The following LUZP2 variants were observed in gnomAD, a reference collection of about 807,000 sequenced individuals.
LUZP2 encodes leucine zipper protein 2.
Under a neutral mutation model 51.6 loss-of-function variants are expected in LUZP2, and 52 were observed. That is an observed-to-expected ratio of 1.01 (90% CI 0.81 to 1.27). The LOEUF (loss-of-function observed/expected upper bound fraction) is 1.27, where lower values mean the gene tolerates loss of function less well. LUZP2 is among the 50% of genes most tolerant of loss of function. The pLI is 0.00. For synonymous variants in LUZP2, 154 were observed against 137.3 expected (o/e 1.12, Z -0.85); for missense variants, 436 against 395.4 (o/e 1.10, Z -0.87).
chr11:24,628,602 A>G (rs1229755985), intron 1 of LUZP2, among the ~76,000 whole-genome samples: 1 of 152,092 alleles, frequency 6.6e-6, no homozygotes, highest in East Asian at 1.9e-4. Context: ...GCTCTCTCCC[A>G]GGCTGGAGTG....
chr11:24,607,719 G>C (rs1044705498), intron 1 of LUZP2, among the ~76,000 whole-genome samples: 1 of 151,990 alleles, frequency 6.6e-6, no homozygotes, highest in Admixed American at 6.6e-5. Context: ...TGTTGGGGTA[G>C]TATGGACTTT....
intron 5 of LUZP2, among the ~76,000 whole-genome samples, chr11:24,765,186 A>C (rs151299583): frequency 6.6e-6 from 1 of 152,322 alleles, no homozygotes; most frequent in African/African-American, 2.4e-5. Flanking sequence ...GCATGTAGAG[A>C]TTAAGGCAGA....
At chr11:24,891,799 A>T in intron 5 of LUZP2, 1 of 974,974 alleles carries the variant, frequency 1.0e-6, no homozygotes. Flanking sequence ...GAGAACAGAG[A>T]AACAAGGCAA....
At chr11:24,821,438 T>G (rs1470704076) in intron 5 of LUZP2, among the ~76,000 whole-genome samples, 1 of 152,114 alleles carries the variant, frequency 6.6e-6, no homozygotes, top group Non-Finnish European at 1.5e-5. Flanking sequence ...CCTTATTAAT[T>G]TAAGATATAT....
At chr11:24,546,776 G>A (rs919070669) in intron 1 of LUZP2, among the ~76,000 whole-genome samples, 1 of 152,028 alleles carries the variant, frequency 6.6e-6, no homozygotes. Context: ...TCAGAATGAT[G>A]CTGGCCTCAT....
chr11:24,920,329 A>G (rs1299920739), intron 7 of LUZP2, among the ~76,000 whole-genome samples: 1 of 152,044 alleles, frequency 6.6e-6, no homozygotes, highest in East Asian at 1.9e-4. Context: ...TCCAGTTATT[A>G]AAAATATACT....
intron 1 of LUZP2, among the ~76,000 whole-genome samples, chr11:24,547,256 G>T (rs190587280): frequency 6.6e-6 from 1 of 151,230 alleles, no homozygotes; most frequent in East Asian, 1.9e-4. Flanking sequence ...AGTTCAAATT[G>T]CCAAAGCAAT....
chr11:24,953,820 A>G (rs1270792431), intron 7 of LUZP2, among the ~76,000 whole-genome samples: 2 of 152,062 alleles, frequency 1.3e-5, no homozygotes, highest in Non-Finnish European at 2.9e-5. Context: ...GTAATTATTT[A>G]TTCAATGATT....
chr11:24,789,502 G>A (rs1319263905), intron 5 of LUZP2, among the ~76,000 whole-genome samples: 1 of 152,090 alleles, frequency 6.6e-6, no homozygotes, highest in African/African-American at 2.4e-5. Context: ...TGCTTCATCT[G>A]TTTCCTGATG....
At chr11:24,583,183 A>G (rs1171954481) in intron 1 of LUZP2, among the ~76,000 whole-genome samples, 1 of 152,150 alleles carries the variant, frequency 6.6e-6, no homozygotes, top group Non-Finnish European at 1.5e-5. Context: ...CATTATATGT[A>G]ATATACATGA....
At chr11:24,647,393 G>A (rs374430798) in intron 1 of LUZP2, among the ~76,000 whole-genome samples, 53 of 151,680 alleles carry the variant, frequency 3.5e-4, no homozygotes, top group African/African-American at 1.3e-3. Flanking sequence ...AAACAAAAAA[G>A]AAAAAGAAAA....
intron 9 of LUZP2, among the ~76,000 whole-genome samples, chr11:25,026,128 A>C (rs899324276): frequency 1.3e-4 from 16 of 125,096 alleles, no homozygotes; most frequent in African/African-American, 4.8e-4. Context: ...AACATGACAC[A>C]CTGGAGCCTG....
intron 10 of LUZP2, among the ~76,000 whole-genome samples, chr11:25,056,925 C>T (rs1858702885): frequency 6.6e-6 from 1 of 152,000 alleles, no homozygotes; most frequent in Admixed American, 6.6e-5. Context: ...ATGGTGAAAC[C>T]CCATCTCTAC....
In LUZP2 at chr11:25,040,343, A is replaced by ATTTTTTTTTTTTTTTTTTTTTTTTTTT. The variant is rs57668112; in HGVS notation, c.766-9675_766-9674insTTTTTTTTTTTTTTTTTTTTTTTTTTT. Among the ~76,000 whole-genome samples, 27 of 98,818 alleles carry ATTTTTTTTTTTTTTTTTTTTTTTTTTT rather than the reference A, an allele frequency of 2.7e-4. 6 individuals are homozygous for ATTTTTTTTTTTTTTTTTTTTTTTTTTT. Among genetic ancestry groups the ATTTTTTTTTTTTTTTTTTTTTTTTTTT allele is most frequent in the African/African-American group, 1.2e-3 (20 of 17,196 alleles). The allele number at this position is 98,818 out of a possible 152,430, so 64.8% of individuals were successfully genotyped here. ...AGAGAGCCACTTTTCTTTCTTTCCG[A>ATTTTTTTTTTTTTTTTTTTTTTTTTTT]TTTTTTTTTTTTTTTTTTTTGCCAA... On this transcript the variant is annotated intron_variant, in intron 9 of 11. Transcript: ENST00000336930.
chr11:24,944,859 A>C (rs1208364299), intron 7 of LUZP2, among the ~76,000 whole-genome samples: 1 of 152,212 alleles, frequency 6.6e-6, no homozygotes, highest in Admixed American at 6.5e-5. Context: ...CTGTTGCAGG[A>C]TAAAGGCTTT....
chr11:24,991,915 C>A (rs1473407786), intron 9 of LUZP2, among the ~76,000 whole-genome samples: 1 of 151,618 alleles, frequency 6.6e-6, no homozygotes, highest in East Asian at 1.9e-4. Context: ...TGATGGGATT[C>A]TTTGTTTTTT....
intron 10 of LUZP2, among the ~76,000 whole-genome samples, chr11:25,055,563 A>G (rs980021246): frequency 5.9e-5 from 9 of 152,064 alleles, no homozygotes; most frequent in African/African-American, 2.2e-4. Flanking sequence ...TGAGATTTGC[A>G]CACCACCTAT....
intron 7 of LUZP2, among the ~76,000 whole-genome samples, chr11:24,970,343 T>C (rs1855708078): frequency 6.6e-6 from 1 of 152,190 alleles, no homozygotes; most frequent in South Asian, 2.1e-4. Context: ...CTTTAAGATT[T>C]TATTACTTTT....
intron 5 of LUZP2, among the ~76,000 whole-genome samples, chr11:24,886,742 GAAAT>G (rs2133747774): frequency 6.6e-6 from 1 of 152,212 alleles, no homozygotes; most frequent in African/African-American, 2.4e-5. Context: ...AAGAATTGCT[GAAAT>G]AAACACACAT....
Sources: gnomAD v4.1 joint callset for allele counts (sites outside exome capture counted in the v4.1 genomes callset) on GRCh38, gnomAD v4.1.1 for gene constraint, MANE v1.5 for transcripts, NCBI Gene and HGNC (gene_info 2026-07-23, HGNC 2026-07-21) for gene names.